CTNNA3: variants seen among roughly 807,000 people sequenced by gnomAD.
CTNNA3 encodes the protein catenin alpha-3.
A neutral mutation model predicts 95.7 loss-of-function variants in CTNNA3; 76 were observed. That is an observed-to-expected ratio of 0.79 (90% CI 0.66 to 0.96). CTNNA3 has a LOEUF of 0.96. CTNNA3 is among the 40% of genes least tolerant of loss of function. The pLI is 0.00. For missense variants in CTNNA3, 1,191 were observed against 1,089.8 expected (o/e 1.09, Z -1.31); for synonymous variants, 431 against 374.4 (o/e 1.15, Z -1.74).
At chr10:66,495,780 T>C (rs866686931) in intron 11 of CTNNA3, among the ~76,000 whole-genome samples, 7 of 152,162 alleles carry the variant, frequency 4.6e-5, no homozygotes, top group South Asian at 2.1e-4. Context: ...CTCAGCCTCC[T>C]GAGTAGCTGG....
At chr10:66,274,290 ATTC>A (rs984458159) in intron 13 of CTNNA3, among the ~76,000 whole-genome samples, 4 of 152,158 alleles carry the variant, frequency 2.6e-5, no homozygotes, top group African/African-American at 4.8e-5. Flanking sequence ...ACAATATCAT[ATTC>A]TTCTTTTGAA....
intron 10 of CTNNA3, among the ~76,000 whole-genome samples, chr10:66,533,855 G>A (rs1841553659): frequency 6.6e-6 from 1 of 152,122 alleles, no homozygotes; most frequent in African/African-American, 2.4e-5. Flanking sequence ...AAAATGGCTT[G>A]AGGACAGGAG....
chr10:67,283,547 AG>A (rs1839481075), intron 5 of CTNNA3, among the ~76,000 whole-genome samples: 1 of 152,194 alleles, frequency 6.6e-6, no homozygotes, highest in Non-Finnish European at 1.5e-5. Context: ...GCCCACCGCA[AG>A]GAAGAATCAG....
rs201578497 is a variant in CTNNA3, at chr10:67,025,872, T to C, written c.1047+154445A>G. On this transcript the variant is annotated intron_variant, in intron 7 of 17. Coordinates refer to ENST00000433211, the MANE Select transcript of CTNNA3 (RefSeq NM_013266.4). ...TGGAACCAACCCAAATGTCCAACAA[T>C]GATAGACTGGATTAAGAAAATGTGG... Among the ~76,000 whole-genome samples, 22 of 149,030 alleles carry C rather than the reference T, an allele frequency of 1.5e-4. No homozygotes were observed. The East Asian group carries it at 3.3e-3, about 23-fold the overall frequency.
In CTNNA3 at chr10:66,939,301, C is replaced by T. The variant is rs192903045; in HGVS notation, c.1048-163777G>A. 3.3e-3 allele frequency among the ~76,000 whole-genome samples: 501 copies of T among 152,186 alleles called. 6 individuals carry two copies. Among genetic ancestry groups the T allele is most frequent in the East Asian group, 7.1e-3 (37 of 5,184 alleles). ...TCCTTTATTCCTTTGCACTACATTT[C>T]TTTTTCTCTTTCTCATCTCCACTTA... On this transcript the variant is annotated intron_variant, in intron 7 of 17. Coordinates refer to ENST00000433211, the MANE Select transcript of CTNNA3 (RefSeq NM_013266.4).
At chr10:67,579,515 C>T (rs1449687347) in intron 3 of CTNNA3, among the ~76,000 whole-genome samples, 2 of 152,008 alleles carry the variant, frequency 1.3e-5, no homozygotes, top group Admixed American at 6.6e-5. Context: ...AATAAACATA[C>T]GTGTGCATGT....
intron 5 of CTNNA3, among the ~76,000 whole-genome samples, chr10:67,488,423 G>A (rs907694175): frequency 2.6e-5 from 4 of 151,980 alleles, no homozygotes; most frequent in South Asian, 2.1e-4. Flanking sequence ...AGGCTGGAGT[G>A]TAGTGGCGCA....
intron 12 of CTNNA3, among the ~76,000 whole-genome samples, chr10:66,353,953 T>G (rs1473109641): frequency 6.6e-6 from 1 of 151,596 alleles, no homozygotes; most frequent in Admixed American, 6.6e-5. Context: ...GGAAAAATAA[T>G]CATCCATATG....
chr10:67,654,347 A>G (rs929560233), intron 1 of CTNNA3, among the ~76,000 whole-genome samples: 4 of 152,296 alleles, frequency 2.6e-5, no homozygotes, highest in African/African-American at 9.6e-5. Context: ...ACACTTCCCA[A>G]TACAAACGTT....
chr10:67,427,773 C>T (rs1302155505), intron 5 of CTNNA3, among the ~76,000 whole-genome samples: 2 of 151,972 alleles, frequency 1.3e-5, no homozygotes, highest in East Asian at 3.9e-4. Flanking sequence ...AGCTTTGACA[C>T]CACCTGTTGA....
chr10:67,255,386 T>C (rs1866305455), intron 5 of CTNNA3, among the ~76,000 whole-genome samples: 1 of 152,092 alleles, frequency 6.6e-6, no homozygotes, highest in South Asian at 2.1e-4. Flanking sequence ...AATTCTCTAA[T>C]TGTATCTTAG....
In CTNNA3 at chr10:66,417,545, G is replaced by T. The variant is rs1564942649; in HGVS notation, c.1532-38193C>A. Among the ~76,000 whole-genome samples the T allele has an allele frequency of 2.0e-5, 3 of 152,048 alleles. No individual in the cohort carries two copies. The East Asian group carries it at 5.8e-4, about 29-fold the overall frequency. On this transcript the variant is annotated intron_variant, in intron 11 of 17. Transcript: ENST00000433211. ...CAAACAGACCTAACAGATATTTATAGAACATTTTATCCAACAACTGCAGAA... is the reference window on the plus strand; with the variant it reads ...CAAACAGACCTAACAGATATTTATATAACATTTTATCCAACAACTGCAGAA...
chr10:66,182,704 C>A (rs1235787393), intron 13 of CTNNA3, among the ~76,000 whole-genome samples: 2 of 151,306 alleles, frequency 1.3e-5, no homozygotes, highest in Non-Finnish European at 2.9e-5. Flanking sequence ...GGCCAAACTC[C>A]CAGGATCTTA....
intron 10 of CTNNA3, among the ~76,000 whole-genome samples, chr10:66,621,430 C>T (rs1844742523): frequency 6.6e-6 from 1 of 151,742 alleles, no homozygotes; most frequent in South Asian, 2.1e-4. Flanking sequence ...TCGAGACCAG[C>T]CTGGCCAACA....
chr10:67,503,971 C>A (rs548506964), intron 5 of CTNNA3, among the ~76,000 whole-genome samples: 56 of 151,938 alleles, frequency 3.7e-4, no homozygotes, highest in African/African-American at 1.2e-3. Context: ...TCCTGGCTAA[C>A]ATGGTGAAAC....
At chr10:66,881,574 A>G (rs1002920478) in intron 7 of CTNNA3, among the ~76,000 whole-genome samples, 3 of 152,080 alleles carry the variant, frequency 2.0e-5, no homozygotes, top group African/African-American at 7.2e-5. Flanking sequence ...AATAAATAAT[A>G]ACTTTAGATT....
chr10:66,613,207 C>T (rs546718227), intron 10 of CTNNA3, among the ~76,000 whole-genome samples: 78 of 152,198 alleles, frequency 5.1e-4, no homozygotes, highest in African/African-American at 1.8e-3. Context: ...TTTTACCCCA[C>T]TTTCCCACTT....
chr10:66,822,859 G>C (rs952791435), intron 7 of CTNNA3, among the ~76,000 whole-genome samples: 3 of 152,184 alleles, frequency 2.0e-5, no homozygotes, highest in Non-Finnish European at 4.4e-5. Context: ...AGTAAGTAAG[G>C]AACCTTTACA....
chr10:67,540,610 GTA>G (rs1488104007), intron 3 of CTNNA3, among the ~76,000 whole-genome samples: 1 of 151,696 alleles, frequency 6.6e-6, no homozygotes, highest in Non-Finnish European at 1.5e-5. Context: ...AAATGTATAT[GTA>G]TGTTTTATAC....
Sources: allele counts gnomAD v4.1 joint callset (sites outside exome capture counted in the v4.1 genomes callset), GRCh38; gene constraint gnomAD v4.1.1; transcripts MANE v1.5; gene names NCBI Gene and HGNC (gene_info 2026-07-23, HGNC 2026-07-21).